The following FOXP1 variants were observed in gnomAD, a reference collection of about 807,000 sequenced individuals.
FOXP1 encodes forkhead box protein P1.
In FOXP1, 15 loss-of-function variants were observed where a neutral mutation model predicts 98.2. The observed-to-expected ratio is 0.15, with a 90% CI of 0.10 to 0.24. The LOEUF is 0.24. FOXP1 is among the 10% of genes least tolerant of loss of function. The probability of loss-of-function intolerance (pLI) is 1.00; values close to 1 mark genes in which losing one functional copy is unlikely to be tolerated. For missense variants in FOXP1, 633 were observed against 848.5 expected (o/e 0.75, Z 3.15); for synonymous variants, 371 against 314.5 (o/e 1.18, Z -1.90).
intron 4 of FOXP1, among the ~76,000 whole-genome samples, chr3:71,347,419 T>C (rs2077433595): frequency 6.6e-6 from 1 of 152,200 alleles, no homozygotes; most frequent in African/African-American, 2.4e-5. Context: ...TAAACAAACT[T>C]CTGCCTCTAC....
chr3:71,567,598 C>T (rs1253262885), intron 2 of FOXP1, among the ~76,000 whole-genome samples: 1 of 152,144 alleles, frequency 6.6e-6, no homozygotes, highest in Non-Finnish European at 1.5e-5. Context: ...GTGAGGGAGC[C>T]CCAACTGTCC....
intron 4 of FOXP1, among the ~76,000 whole-genome samples, chr3:71,302,513 TAA>T (rs34872613): frequency 8.0e-4 from 105 of 131,742 alleles, no homozygotes; most frequent in Middle Eastern, 3.8e-3. Flanking sequence ...AGCTTTTATG[TAA>T]AAAAAAAAAA....
intron 5 of FOXP1, among the ~76,000 whole-genome samples, chr3:71,277,060 G>A (rs1011713883): frequency 6.7e-6 from 1 of 148,778 alleles, no homozygotes; most frequent in African/African-American, 2.5e-5. Context: ...CCGGATTCAC[G>A]CCATTCTCCT....
chr3:71,403,836 G>A (rs2082107432), intron 3 of FOXP1, among the ~76,000 whole-genome samples: 1 of 152,144 alleles, frequency 6.6e-6, no homozygotes, highest in Non-Finnish European at 1.5e-5. Context: ...GTGCAACAGA[G>A]CAAGACACTG....
At chr3:71,296,951 A>C (rs2107537149) in intron 5 of FOXP1, among the ~76,000 whole-genome samples, 1 of 152,306 alleles carries the variant, frequency 6.6e-6, no homozygotes, top group Middle Eastern at 3.4e-3. Flanking sequence ...AAGCTTCCTA[A>C]GGTCCTTACT....
chr3:71,464,879 CT>C (rs1249440949), intron 3 of FOXP1, among the ~76,000 whole-genome samples: 1 of 152,212 alleles, frequency 6.6e-6, no homozygotes, highest in East Asian at 1.9e-4. Context: ...CCCCCTTCCC[CT>C]TACATAACCT....
At chr3:71,019,627 T>A (rs1187346526) in intron 11 of FOXP1, among the ~76,000 whole-genome samples, 1 of 151,920 alleles carries the variant, frequency 6.6e-6, no homozygotes, top group Non-Finnish European at 1.5e-5. Context: ...GTGAGGAGTT[T>A]GAGACCTGCC....
Position 71,511,173 on chromosome 3 carries a change from T to C in FOXP1, c.-297-17618A>G, listed in dbSNP as rs542106291. On this transcript the variant is annotated intron_variant, in intron 2 of 20. Transcript: ENST00000649528. ...TGATGCAATGAAGTCTTGAAATGCT[T>C]ATCTACTGAGCACTCTGGCTTAAAG... is the stretch of plus-strand genomic sequence containing the variant. Among the ~76,000 whole-genome samples, 67 of 152,334 alleles carry C rather than the reference T, an allele frequency of 4.4e-4. 2 individuals are homozygous for C. The South Asian group carries it at 0.013, about 30-fold the overall frequency.
At chr3:71,129,973 C>T (rs999835140) in intron 6 of FOXP1, among the ~76,000 whole-genome samples, 1 of 152,148 alleles carries the variant, frequency 6.6e-6, no homozygotes, top group Non-Finnish European at 1.5e-5. Flanking sequence ...AGATAATGAC[C>T]GTGCGTGTTT....
At chr3:71,496,614 G>A (rs2091430346) in intron 2 of FOXP1, among the ~76,000 whole-genome samples, 1 of 152,124 alleles carries the variant, frequency 6.6e-6, no homozygotes, top group East Asian at 1.9e-4. Flanking sequence ...GAGGTCAGGA[G>A]ATCAAGACCA....
At chr3:71,583,815 G>C, upstream of FOXP1, 1 of 987,300 alleles carries the variant, frequency 1.0e-6, no homozygotes, top group Non-Finnish European at 1.2e-6. Flanking sequence ...GGTGGCGGCG[G>C]CGGCGGCGGC....
intron 3 of FOXP1, among the ~76,000 whole-genome samples, chr3:71,386,921 G>A (rs2080634927): frequency 6.6e-6 from 1 of 151,866 alleles, no homozygotes; most frequent in Non-Finnish European, 1.5e-5. Context: ...CTCTGAATTT[G>A]AGGTTCTCCA....
At chr3:71,514,511 T>C (rs538404827) in intron 2 of FOXP1, among the ~76,000 whole-genome samples, 1 of 152,370 alleles carries the variant, frequency 6.6e-6, no homozygotes, top group African/African-American at 2.4e-5. Flanking sequence ...GTTTTGTTCA[T>C]TGATTTATCC....
At chr3:71,222,233 C>T (rs1451536512) in intron 5 of FOXP1, among the ~76,000 whole-genome samples, 1 of 152,052 alleles carries the variant, frequency 6.6e-6, no homozygotes, top group East Asian at 1.9e-4. Context: ...ACCCTGGAGG[C>T]AGCATTCACA....
intron 20 of FOXP1, among the ~76,000 whole-genome samples, chr3:70,959,974 T>C (rs2032915358): frequency 6.6e-6 from 1 of 152,212 alleles, no homozygotes; most frequent in Non-Finnish European, 1.5e-5. Context: ...TAAGAATCTG[T>C]AATGCAACGG....
intron 2 of FOXP1, among the ~76,000 whole-genome samples, chr3:71,510,703 G>A (rs1238735088): frequency 6.6e-6 from 1 of 152,134 alleles, no homozygotes; most frequent in East Asian, 1.9e-4. Flanking sequence ...ACTAAGCTCT[G>A]TCCAATCGAG....
At chr3:71,509,884 AAAG>A (rs2042077542) in intron 2 of FOXP1, among the ~76,000 whole-genome samples, 1 of 152,178 alleles carries the variant, frequency 6.6e-6, no homozygotes, top group Non-Finnish European at 1.5e-5. Flanking sequence ...CTGTCTCTAA[AAAG>A]AAGGAATCAG....
intron 3 of FOXP1, among the ~76,000 whole-genome samples, chr3:71,424,917 T>C (rs866211419): frequency 3.3e-5 from 5 of 152,036 alleles, no homozygotes; most frequent in Middle Eastern, 3.4e-3. Flanking sequence ...AGGTAAGGAG[T>C]GATCAAGAAC....
At position 70,976,733 on chromosome 3, in the gene FOXP1, C is replaced by T. The variant is rs570743775; in HGVS notation, c.1530+208G>A. ...TTTACTGGCTGGCCCCTCCACACTG[C>T]TGATGCTGGTATAATGGGAGTCTTC... is the stretch of plus-strand genomic sequence containing the variant. On this transcript the variant is annotated intron_variant, in intron 17 of 20. Transcript: ENST00000649528. 2.6e-5 allele frequency among the ~76,000 whole-genome samples: 4 copies of T among 152,342 alleles called. No individual in the cohort carries two copies. The East Asian group carries it at 5.8e-4, about 22-fold the overall frequency.
Sources: gnomAD v4.1 joint callset for allele counts (sites outside exome capture counted in the v4.1 genomes callset) on GRCh38, gnomAD v4.1.1 for gene constraint, MANE v1.5 for transcripts, NCBI Gene and HGNC (gene_info 2026-07-23, HGNC 2026-07-21) for gene names.